The following OR9K2 variants were observed in gnomAD, a reference collection of about 807,000 sequenced individuals.
The protein encoded by OR9K2 is olfactory receptor 9K2.
A neutral mutation model predicts 12.4 loss-of-function variants in OR9K2; 16 were observed. That is an observed-to-expected ratio of 1.29 (90% CI 0.87 to 1.95). The LOEUF is 1.95. Among genes scored for constraint, OR9K2 ranks in the 30% most tolerant of loss-of-function variants. OR9K2 has a pLI of 0.00. For missense variants in OR9K2, 434 were observed against 376.5 expected, an observed-to-expected ratio of 1.15 and a Z score of -1.26; for synonymous variants, 133 against 133.2, an observed-to-expected ratio of 1.00 and a Z score of 0.01.
rs543170323 is a variant in OR9K2, at chr12:55,131,597, T to C, written c.*821T>C. ...TAGGTATATATTTGATTAATCTTAT[T>C]GAATATCTGTATAATATGTTCTGGC... On this transcript the variant is annotated 3_prime_UTR_variant, in exon 3 of 3. Transcript: ENST00000641329. The C allele has an allele frequency of 4.1e-4, 63 of 152,312 alleles. 1 individual carries two copies. Among genetic ancestry groups the C allele is most frequent in the Non-Finnish European group, 7.4e-5 (5 of 68,020 alleles). The allele number at this position is 152,312 out of a possible 1,614,324, so 9.4% of individuals were successfully genotyped here.
At position 55,132,019 on chromosome 12, in the gene OR9K2, A is replaced by ATGGTC. The variant is rs1286233455; in HGVS notation, c.*1244_*1248dup. The ATGGTC allele has an allele frequency of 6.6e-6, 1 of 152,192 alleles. No homozygotes were observed. The highest frequency in any genetic ancestry group is 1.5e-5 in the Non-Finnish European group (1 of 68,030). The allele number at this position is 152,192 out of a possible 1,614,324, so 9.4% of individuals were successfully genotyped here. Reference sequence around the variant, plus strand: ...CCCATTTTTGAAATTGAGTGTGTGCATGGTCATGGTCTGAATAGATAAAAA... The same window carrying ATGGTC: ...CCCATTTTTGAAATTGAGTGTGTGCATGGTCTGGTCATGGTCTGAATAGATAAAAA... On this transcript the variant is annotated 3_prime_UTR_variant, in exon 3 of 3. Transcript: ENST00000641329.
rs1450844583 is a variant in OR9K2 at position 55,131,838 on chromosome 12, G to A, written c.*1062G>A. 1 of 152,122 alleles carries A rather than the reference G, an allele frequency of 6.6e-6. No individual in the cohort carries two copies. The highest frequency in any genetic ancestry group is 1.5e-5 in the Non-Finnish European group (1 of 68,032). The allele number at this position is 152,122 out of a possible 1,614,324, so 9.4% of individuals were successfully genotyped here. A position where few individuals can be genotyped will look rare whatever the true frequency, so the allele number is the denominator to read the frequency against. On this transcript the variant is annotated 3_prime_UTR_variant, in exon 3 of 3. Coordinates refer to ENST00000641329, the MANE Select transcript of OR9K2 (RefSeq NM_001005243.2). ...TTGCGCAAAGGGGGATTAGATTGAA[G>A]TCAGGAAACCTGCTGCAGTGGTTTA... is the stretch of plus-strand genomic sequence containing the variant.
intron 2 of OR9K2, 110 bp from the exon 3 acceptor site, chr12:55,129,716 C>A (rs889957177): frequency 7.7e-7 from 1 of 1,296,516 alleles, no homozygotes; most frequent in South Asian, 1.4e-5. Flanking sequence ...TTAATAATAA[C>A]ATTAATTTAA....
At position 55,130,003 on chromosome 12, in the gene OR9K2, C is replaced by T. The variant is rs764451872; in HGVS notation, c.169C>T (p.Arg57Trp). The change falls in exon 3 of 3, where the codon CGG becomes TGG. Residue 57 changes from arginine to tryptophan, a missense_variant. Coordinates refer to ENST00000641329, the MANE Select transcript of OR9K2 (RefSeq NM_001005243.2). The stretch of plus-strand genomic sequence containing the variant: ...GATGACCATTATTATGACTGATCCT[C>T]GGCTGAACACACCAATGTATTTTTT... ...GMMTIIMTDP[R>W]LNTPMYFFLG... is the part of the protein sequence containing the mutation. The T allele has an allele frequency of 2.4e-5, 38 of 1,613,626 alleles. 1 individual carries two copies. Among genetic ancestry groups the T allele is most frequent in the Middle Eastern group, 1.6e-4 (1 of 6,084 alleles).
Position 55,130,598 on chromosome 12 carries a change from A to T in OR9K2, c.764A>T (p.Tyr255Phe). The T allele has an allele frequency of 6.2e-7, 1 of 1,613,884 alleles. No homozygotes were observed. Among genetic ancestry groups the T allele is most frequent in the Non-Finnish European group, 8.5e-7 (1 of 1,179,888 alleles). ...CACCTGGGAGTTGTGAGTGTGCTGT[A>T]TGGTGCTGTCTTTTTTATGTATCTC... ...SSHLGVVSVLYGAVFFMYLTP... is the reference protein window; with the variant it reads ...SSHLGVVSVLFGAVFFMYLTP... Residue 255 changes from tyrosine to phenylalanine, a missense_variant, in exon 3 of 3, where the codon TAT becomes TTT. Physicochemically the swap from Tyr to Phe is conservative, Grantham distance 22. Coordinates refer to ENST00000641329, the MANE Select transcript of OR9K2 (RefSeq NM_001005243.2).
chr12:55,127,985 G>A (rs1338778965), intron 2 of OR9K2, among the ~76,000 whole-genome samples: 2 of 151,962 alleles, frequency 1.3e-5, no homozygotes, highest in African/African-American at 4.8e-5. Context: ...AGTGAGAGAA[G>A]CAGAACTGGA....
rs554912930 is a variant in OR9K2, at chr12:55,132,730, A to G, written c.*1954A>G. ...TTGTTTGCAGATAACATATCTATGT[A>G]GAAAATTAAAAATAATAAACCCTTC... On this transcript the variant is annotated 3_prime_UTR_variant, in exon 3 of 3. Coordinates refer to ENST00000641329, the MANE Select transcript of OR9K2 (RefSeq NM_001005243.2). 1 of 152,376 alleles carries G rather than the reference A, an allele frequency of 6.6e-6. No homozygotes were observed. Among genetic ancestry groups the G allele is most frequent in the African/African-American group, 2.4e-5 (1 of 41,598 alleles). The allele number at this position is 152,376 out of a possible 1,614,324, so 9.4% of individuals were successfully genotyped here.
Position 55,129,935 on chromosome 12 carries a change from TTTTG to T in OR9K2, c.109_112del (p.Val37MetfsTer3). On this transcript the variant is annotated frameshift_variant, in exon 3 of 3. Transcript: ENST00000641329. LOFTEE classifies it high-confidence loss of function. ...CTCCACATTCTCCTCTTCCTGCTAT[TTTTG>T]TTTGTTTATGCCATGATCCTTCTAG... 6.2e-6 allele frequency: 10 copies of T among 1,614,048 alleles called. No homozygotes were observed. The highest frequency in any genetic ancestry group is 8.5e-6 in the Non-Finnish European group (10 of 1,179,964).
chr12:55,128,236 A>G (rs1039542529), intron 2 of OR9K2, among the ~76,000 whole-genome samples: 1 of 151,848 alleles, frequency 6.6e-6, no homozygotes, highest in African/African-American at 2.4e-5. Context: ...CAATATTAAA[A>G]TATGGTGGCA....
At position 55,130,949 on chromosome 12, in the gene OR9K2, C is replaced by A; in HGVS notation, c.*173C>A. The A allele has an allele frequency of 1.9e-6, 1 of 519,582 alleles. No individual in the cohort carries two copies. The highest frequency in any genetic ancestry group is 3.5e-5 in the Admixed American group (1 of 28,482). The allele number at this position is 519,582 out of a possible 1,614,324, so 32.2% of individuals were successfully genotyped here. A position where few individuals can be genotyped will look rare whatever the true frequency, so the allele number is the denominator to read the frequency against. ...CCAAGACATCATTAATTCTGAAAAT[C>A]TTGGATATTGGAGATATCCTGGACA... On this transcript the variant is annotated 3_prime_UTR_variant, in exon 3 of 3. Coordinates refer to ENST00000641329, the MANE Select transcript of OR9K2 (RefSeq NM_001005243.2).
In OR9K2 at chr12:55,130,862, A is replaced by C; in HGVS notation, c.*86A>C. On this transcript the variant is annotated 3_prime_UTR_variant, in exon 3 of 3. Coordinates refer to ENST00000641329, the MANE Select transcript of OR9K2 (RefSeq NM_001005243.2). ...AATAAAAGTTACTCTCCCGAATGTC[A>C]TAAAAATACTCTTAGATGTTTTCAT... is the stretch of plus-strand genomic sequence containing the variant. 1 of 763,454 alleles carries C rather than the reference A, an allele frequency of 1.3e-6. No homozygotes were observed. Among genetic ancestry groups the C allele is most frequent in the Non-Finnish European group, 2.1e-6 (1 of 483,402 alleles). 47.3% of individuals were successfully genotyped at this position (763,454 alleles called of 1,614,324 possible).
In OR9K2 at chr12:55,132,208, A is replaced by G. The variant is rs779277375; in HGVS notation, c.*1432A>G. 8 of 152,202 alleles carry G rather than the reference A, an allele frequency of 5.3e-5. No individual in the cohort carries two copies. Among genetic ancestry groups the G allele is most frequent in the Non-Finnish European group, 8.8e-5 (6 of 68,028 alleles). 9.4% of individuals were successfully genotyped at this position (152,202 alleles called of 1,614,324 possible). Reference sequence around the variant, plus strand: ...TGCCTTCTCTCACCACACCTTTTCAATATTTTAATGGAAGTGCTAGCCAAT... The same window carrying G: ...TGCCTTCTCTCACCACACCTTTTCAGTATTTTAATGGAAGTGCTAGCCAAT... On this transcript the variant is annotated 3_prime_UTR_variant, in exon 3 of 3. Transcript: ENST00000641329.
chr12:55,129,601 C>A (rs1214076829), intron 2 of OR9K2: 6 of 594,264 alleles, frequency 1.0e-5, no homozygotes, highest in Non-Finnish European at 1.8e-5. Context: ...GATGCAGAGG[C>A]AAAAAACCTA....
At chr12:55,128,274 G>A (rs1193080449) in intron 2 of OR9K2, among the ~76,000 whole-genome samples, 1 of 151,584 alleles carries the variant, frequency 6.6e-6, no homozygotes, top group Admixed American at 6.6e-5. Flanking sequence ...ATCTTTGGAT[G>A]AGATGTTTTG....
chr12:55,130,064 C>G lies in OR9K2; in HGVS notation c.230C>G (p.Ser77Ter). 6.2e-7 allele frequency: 1 copy of G among 1,612,472 alleles called. No homozygotes were observed. Among genetic ancestry groups the G allele is most frequent in the Non-Finnish European group, 8.5e-7 (1 of 1,179,882 alleles). Reference protein sequence around the residue: ...GNLSFIDLFYSSVIEPKAMIN... With the variant: ...GNLSFIDLFY ...CTCTCCTTCATTGATCTTTTCTATT[C>G]ATCTGTTATTGAACCCAAGGCTATG... is the stretch of plus-strand genomic sequence containing the variant. The change falls in exon 3 of 3, where the codon TCA becomes TGA. Residue 77 changes from serine to a stop codon, truncating the protein, a stop_gained. Coordinates refer to ENST00000641329, the MANE Select transcript of OR9K2 (RefSeq NM_001005243.2). LOFTEE classifies it high-confidence loss of function.
rs1479835204 is a variant in OR9K2 at position 55,130,745 on chromosome 12, A to T, written c.911A>T (p.Lys304Ile). 8 of 1,570,936 alleles carry T rather than the reference A, an allele frequency of 5.1e-6. No individual in the cohort carries two copies. The highest frequency in any genetic ancestry group is 6.9e-6 in the Non-Finnish European group (8 of 1,156,700). Residue 304 changes from lysine to isoleucine, a missense_variant, in exon 3 of 3, where the codon AAA becomes ATA. Transcript: ENST00000641329. ...AAAGATGTCCAAGAGGCTCTAAAAAAATTTCTAGAGAAGAAAAATATTATT... is the reference window on the plus strand; with the variant it reads ...AAAGATGTCCAAGAGGCTCTAAAAATATTTCTAGAGAAGAAAAATATTATT... ...RNKDVQEALK[K>I]FLEKKNIIL
Position 55,132,159 on chromosome 12 carries a change from C to T in OR9K2, c.*1383C>T, listed in dbSNP as rs1430579659. The T allele has an allele frequency of 6.6e-6, 1 of 152,162 alleles. No homozygotes were observed. Among genetic ancestry groups the T allele is most frequent in the Non-Finnish European group, 1.5e-5 (1 of 68,026 alleles). The allele number at this position is 152,162 out of a possible 1,614,324, so 9.4% of individuals were successfully genotyped here. On this transcript the variant is annotated 3_prime_UTR_variant, in exon 3 of 3. Transcript: ENST00000641329. Reference sequence around the variant, plus strand: ...TGACAAGAAACTAGAAGCTTTCCTACTATTATCAGGAAAAATGCAAGGATG... The same window carrying T: ...TGACAAGAAACTAGAAGCTTTCCTATTATTATCAGGAAAAATGCAAGGATG...
rs890753866 is a variant in OR9K2, at chr12:55,132,333, A to G, written c.*1557A>G. On this transcript the variant is annotated 3_prime_UTR_variant, in exon 3 of 3. Transcript: ENST00000641329. ...CTAAACCCTAGTACTTCAGAATGTGACTTTAATTAGTGATAGGGTCTTCAA... is the reference window on the plus strand; with the variant it reads ...CTAAACCCTAGTACTTCAGAATGTGGCTTTAATTAGTGATAGGGTCTTCAA... 1 of 152,234 alleles carries G rather than the reference A, an allele frequency of 6.6e-6. No homozygotes were observed. Among genetic ancestry groups the G allele is most frequent in the African/African-American group, 2.4e-5 (1 of 41,464 alleles). The allele number at this position is 152,234 out of a possible 1,614,324, so 9.4% of individuals were successfully genotyped here.
In OR9K2 at chr12:55,131,031, A is replaced by G. The variant is rs775552901; in HGVS notation, c.*255A>G. The G allele has an allele frequency of 3.5e-5, 11 of 312,088 alleles. No homozygotes were observed. The highest frequency in any genetic ancestry group is 5.3e-5 in the Non-Finnish European group (9 of 168,812). 19.3% of individuals were successfully genotyped at this position (312,088 alleles called of 1,614,324 possible). A position where few individuals can be genotyped will look rare whatever the true frequency, so the allele number is the denominator to read the frequency against. ...ACTGGTCTTCAACATTTTATTTCAC[A>G]GAATTTATATCTATTGATTCTTGTG... On this transcript the variant is annotated 3_prime_UTR_variant, in exon 3 of 3. Coordinates refer to ENST00000641329, the MANE Select transcript of OR9K2 (RefSeq NM_001005243.2).
Sources: allele counts gnomAD v4.1 joint callset (sites outside exome capture counted in the v4.1 genomes callset), GRCh38; gene constraint gnomAD v4.1.1; transcripts MANE v1.5; gene names NCBI Gene and HGNC (gene_info 2026-07-23, HGNC 2026-07-21).